FBXL4: variants seen among roughly 807,000 people sequenced by gnomAD.
The protein encoded by FBXL4 is F-box/LRR-repeat protein 4.
In FBXL4, 40 loss-of-function variants were observed where a neutral mutation model predicts 58.9. That is an observed-to-expected ratio of 0.68 (90% confidence interval 0.53 to 0.88). The LOEUF (loss-of-function observed/expected upper bound fraction) is 0.88. FBXL4 is among the 40% of genes least tolerant of loss of function. The pLI is 0.00. For synonymous variants in FBXL4, 263 were observed against 265.5 expected, an observed-to-expected ratio of 0.99 and a Z score of 0.09; for missense variants, 676 against 734.4, an observed-to-expected ratio of 0.92 and a Z score of 0.92.
intron 5 of FBXL4, among the ~76,000 whole-genome samples, chr6:98,911,522 C>T (rs573915602): frequency 9.2e-5 from 14 of 152,296 alleles, no homozygotes; most frequent in Admixed American, 6.5e-4. Flanking sequence ...TCGCGGATCA[C>T]GAAAATCTGC....
At chr6:98,917,778 A>C (rs989651385) in intron 4 of FBXL4, 59 bp from the exon 5 acceptor site, 19 of 1,288,120 alleles carry the variant, frequency 1.5e-5, no homozygotes, top group Admixed American at 2.2e-5. Flanking sequence ...CTGGTCCCTT[A>C]AGGTTATAGA....
intron 7 of FBXL4, among the ~76,000 whole-genome samples, chr6:98,892,260 T>C (rs1771257533): frequency 6.6e-6 from 1 of 152,240 alleles, no homozygotes; most frequent in Admixed American, 6.5e-5. Flanking sequence ...CTATTTTAAA[T>C]AGACTGCATT....
At chr6:98,944,218 A>G (rs1425362263) in intron 1 of FBXL4, among the ~76,000 whole-genome samples, 2 of 152,220 alleles carry the variant, frequency 1.3e-5, no homozygotes, top group East Asian at 3.8e-4. Context: ...AAGGAAAACA[A>G]CAGCAGAACT....
At chr6:98,898,962 T>C (rs1771504587) in intron 7 of FBXL4, 6 of 985,424 alleles carry the variant, frequency 6.1e-6, no homozygotes, top group Non-Finnish European at 7.2e-6. Flanking sequence ...CCTACCTTTC[T>C]CTAATTCATT....
At position 98,917,706 on chromosome 6, in the gene FBXL4, A is replaced by G. The variant is rs201149065; in HGVS notation, c.526T>C (p.Trp176Arg). The G allele has an allele frequency of 7.4e-5, 118 of 1,597,108 alleles. No individual in the cohort carries two copies. The highest frequency in any genetic ancestry group is 9.8e-5 in the Non-Finnish European group (115 of 1,173,612). ...PPAEVRWEIL[W>R]SERPTKVNAS... Reference sequence around the variant, plus strand: ...TTCACCTTCGTAGGTCTCTCTGACCAAAGAATCTCCCATCTGCCAAAAAAA... The same window carrying G: ...TTCACCTTCGTAGGTCTCTCTGACCGAAGAATCTCCCATCTGCCAAAAAAA... The change falls in exon 5 of 10, where the codon TGG becomes CGG. Residue 176 changes from tryptophan to arginine, a missense_variant. By Grantham distance (101) the Trp-to-Arg change is moderately radical. Coordinates refer to ENST00000369244, the MANE Select transcript of FBXL4 (RefSeq NM_001278716.2).
intron 1 of FBXL4, among the ~76,000 whole-genome samples, chr6:98,944,876 T>C (rs195826): frequency 0.69 from 104,709 of 151,976 alleles, 36,924 homozygotes; most frequent in African/African-American, 0.85. Flanking sequence ...GAAATCAGGG[T>C]TCCAGCAAAT....
At chr6:98,915,363 T>G (rs1379906747) in intron 5 of FBXL4, among the ~76,000 whole-genome samples, 1 of 152,052 alleles carries the variant, frequency 6.6e-6, no homozygotes, top group African/African-American at 2.4e-5. Flanking sequence ...CATCACCAAG[T>G]CAATCCTAAG....
intron 4 of FBXL4, among the ~76,000 whole-genome samples, chr6:98,925,048 T>C (rs1772724946): frequency 6.6e-6 from 1 of 152,156 alleles, no homozygotes; most frequent in South Asian, 2.1e-4. Context: ...TGATATGAAG[T>C]CCTAGAAACT....
intron 5 of FBXL4, among the ~76,000 whole-genome samples, chr6:98,911,938 G>C (rs556717294): frequency 6.6e-6 from 1 of 152,134 alleles, no homozygotes; most frequent in Non-Finnish European, 1.5e-5. Flanking sequence ...AAAAAATTTA[G>C]ACAAATGTAT....
rs762322035 is a variant in FBXL4, at chr6:98,874,235, C to G, written c.*43G>C. 60 of 1,434,656 alleles carry G rather than the reference C, an allele frequency of 4.2e-5. No homozygotes were observed. Among genetic ancestry groups the G allele is most frequent in the Non-Finnish European group, 5.1e-5 (55 of 1,083,484 alleles). The allele number at this position is 1,434,656 out of a possible 1,614,324, so 88.9% of individuals were successfully genotyped here. A position where few individuals can be genotyped will look rare whatever the true frequency, so the allele number is the denominator to read the frequency against. ...ACCCAAAACCAATCCCAAAATTAAA[C>G]CCCAACAAAGCACATTAATTTTAAT... On this transcript the variant is annotated 3_prime_UTR_variant, in exon 10 of 10. Coordinates refer to ENST00000369244, the MANE Select transcript of FBXL4 (RefSeq NM_001278716.2).
intron 2 of FBXL4, among the ~76,000 whole-genome samples, chr6:98,931,254 C>T (rs1188897969): frequency 2.0e-5 from 3 of 152,214 alleles, no homozygotes; most frequent in African/African-American, 7.2e-5. Flanking sequence ...AACTTTGAAA[C>T]TGTTTCCCAG....
chr6:98,937,697 CCTGA>C (rs1017866635), intron 1 of FBXL4, among the ~76,000 whole-genome samples: 2 of 152,096 alleles, frequency 1.3e-5, no homozygotes, highest in African/African-American at 4.8e-5. Context: ...ATAAATTCTG[CCTGA>C]CTTTTTGCTA....
At chr6:98,931,375 T>C (rs1031025431) in intron 2 of FBXL4, among the ~76,000 whole-genome samples, 2 of 152,246 alleles carry the variant, frequency 1.3e-5, no homozygotes, top group African/African-American at 4.8e-5. Context: ...AGGCAACATA[T>C]GTAAAAGTGA....
chr6:98,909,780 A>G (rs1427212113), intron 5 of FBXL4, among the ~76,000 whole-genome samples: 1 of 151,782 alleles, frequency 6.6e-6, no homozygotes, highest in African/African-American at 2.4e-5. Flanking sequence ...CCCTCCTCCC[A>G]GTAAAGGCCA....
intron 4 of FBXL4, among the ~76,000 whole-genome samples, chr6:98,922,507 G>A (rs1772622116): frequency 6.6e-6 from 1 of 152,188 alleles, no homozygotes; most frequent in Non-Finnish European, 1.5e-5. Context: ...CCAAACAGTA[G>A]TACATGACGG....
rs1450538348 is a variant in FBXL4, at chr6:98,927,709, G to A, written c.-77C>T. ...CTACTCTTAGAAATCACTCACCCCA[G>A]ATAGAATGGTCACAGGATACACATG... On this transcript the variant is annotated 5_prime_UTR_variant, in exon 3 of 10. Transcript: ENST00000369244. The A allele has an allele frequency of 6.6e-6, 1 of 152,208 alleles. No homozygotes were observed. Among genetic ancestry groups the A allele is most frequent in the Non-Finnish European group, 1.5e-5 (1 of 68,054 alleles). 9.4% of individuals were successfully genotyped at this position (152,208 alleles called of 1,614,324 possible). A position where few individuals can be genotyped will look rare whatever the true frequency, so the allele number is the denominator to read the frequency against.
chr6:98,887,652 G>C, intron 7 of FBXL4, among the ~76,000 whole-genome samples: 2 of 150,716 alleles, frequency 1.3e-5, no homozygotes, highest in East Asian at 4.1e-4. Flanking sequence ...AATTAACATA[G>C]AATAAAAGAG....
intron 5 of FBXL4, among the ~76,000 whole-genome samples, chr6:98,909,313 A>C (rs1377382057): frequency 6.6e-6 from 1 of 152,130 alleles, no homozygotes; most frequent in African/African-American, 2.4e-5. Context: ...AGGGAGTCCC[A>C]ATCACTGTCA....
intron 7 of FBXL4, among the ~76,000 whole-genome samples, chr6:98,894,340 T>G (rs745790411): frequency 6.6e-6 from 1 of 152,188 alleles, no homozygotes; most frequent in Non-Finnish European, 1.5e-5. Flanking sequence ...ATTATTTCCA[T>G]GCCACGGATG....
Sources: gnomAD v4.1 joint callset for allele counts (sites outside exome capture counted in the v4.1 genomes callset) on GRCh38, gnomAD v4.1.1 for gene constraint, MANE v1.5 for transcripts, NCBI Gene and HGNC (gene_info 2026-07-23, HGNC 2026-07-21) for gene names.